SLC17A9: variants seen among roughly 807,000 people sequenced by gnomAD.
SLC17A9 encodes voltage-gated purine nucleotide uniporter SLC17A9.
A neutral mutation model predicts 55.0 loss-of-function variants in SLC17A9; 49 were observed. That is an observed-to-expected ratio of 0.89 (90% CI 0.71 to 1.13). The LOEUF is 1.13. Ranked by LOEUF, SLC17A9 falls within the 50% of genes most tolerant of loss-of-function variation. The pLI, the probability that SLC17A9 is intolerant of heterozygous loss-of-function variation, is 0.00. For missense variants in SLC17A9, 526 were observed against 569.3 expected, an observed-to-expected ratio of 0.92 and a Z score of 0.77; for synonymous variants, 256 against 247.4, an observed-to-expected ratio of 1.03 and a Z score of -0.32.
chr20:62,967,342 G>A lies in SLC17A9; in HGVS notation c.1153G>A (p.Val385Met), dbSNP rs369530488. Reference sequence around the variant, plus strand: ...CCTGGCCCTCTCTTGGGCAGGTGTCGTGGGTGTGTGTCTAGGCGGCTACTT... The same window carrying A: ...CCTGGCCCTCTCTTGGGCAGGTGTCATGGGTGTGTGTCTAGGCGGCTACTT... ...ANTAGALAGV[V>M]GVCLGGYLME... The change falls in exon 13 of 13, where the codon GTG becomes ATG. Residue 385 changes from valine to methionine, a missense_variant. Transcript: ENST00000370351. 1.2e-5 allele frequency: 20 copies of A among 1,614,024 alleles called. No individual in the cohort carries two copies. The highest frequency in any genetic ancestry group is 1.7e-4 in the Middle Eastern group (1 of 6,060).
At position 62,962,695 on chromosome 20, in the gene SLC17A9, CCGG is replaced by C. The variant is rs757468391; in HGVS notation, c.574_576del (p.Gly192del). 1 of 1,614,082 alleles carries C rather than the reference CCGG, an allele frequency of 6.2e-7. No individual in the cohort carries two copies. Among genetic ancestry groups the C allele is most frequent in the Non-Finnish European group, 8.5e-7 (1 of 1,179,966 alleles). On this transcript the variant is annotated inframe_deletion, in exon 5 of 13. Coordinates refer to ENST00000370351, the MANE Select transcript of SLC17A9 (RefSeq NM_022082.4). This position sits in a 1 kb window ranked among gnomAD's most constrained non-coding sequence, Gnocchi z 5.5. Reference sequence around the variant, plus strand: ...GGCTGGCAGAGCATCTTCTATTTCTCCGGCGGCCTCACCTTGCTTTGGGTGTGG... The same window carrying C: ...GGCTGGCAGAGCATCTTCTATTTCTCCGGCCTCACCTTGCTTTGGGTGTGG...
Position 62,969,478 on chromosome 20 carries a change from A to G in SLC17A9, c.*1978A>G, listed in dbSNP as rs1459693150. 1 of 152,070 alleles carries G rather than the reference A, an allele frequency of 6.6e-6. No individual in the cohort carries two copies. The highest frequency in any genetic ancestry group is 2.4e-5 in the African/African-American group (1 of 41,392). The allele number at this position is 152,070 out of a possible 1,614,324, so 9.4% of individuals were successfully genotyped here. ...CAGTGGGCGCACGCTGGGTTTGCCTACGTCTGGCTTACTTCACTCAGCAGA... is the reference window on the plus strand; with the variant it reads ...CAGTGGGCGCACGCTGGGTTTGCCTGCGTCTGGCTTACTTCACTCAGCAGA... On this transcript the variant is annotated 3_prime_UTR_variant, in exon 13 of 13. Coordinates refer to ENST00000370351, the MANE Select transcript of SLC17A9 (RefSeq NM_022082.4).
At chr20:62,957,402 G>C in intron 2 of SLC17A9, 39 bp from the exon 3 acceptor site, 1 of 1,545,526 alleles carries the variant, frequency 6.5e-7, no homozygotes, top group South Asian at 1.3e-5. Context: ...CCTTGGTCCT[G>C]CACAGCCACA....
At chr20:62,965,533 T>TCGGG in intron 9 of SLC17A9, 77 bp from the exon 10 acceptor site, 1 of 1,389,182 alleles carries the variant, frequency 7.2e-7, no homozygotes, top group Non-Finnish European at 1.0e-6. Context: ...AGGGGGGCTT[T>TCGGG]CGGGCAGCTG....
rs746661347 is a variant in SLC17A9 at position 62,963,672 on chromosome 20, G to A, written c.814G>A (p.Asp272Asn). Residue 272 changes from aspartate (D) to asparagine (N), a missense_variant, in exon 7 of 13, where the codon GAC becomes AAC. Coordinates refer to ENST00000370351, the MANE Select transcript of SLC17A9 (RefSeq NM_022082.4). ...CACCTTCTTCGAGGAGACCTTCCCCGACGCCAAGGTGAGTCGGGGGCTCCC... is the reference window on the plus strand; with the variant it reads ...CACCTTCTTCGAGGAGACCTTCCCCAACGCCAAGGTGAGTCGGGGGCTCCC... Reference protein sequence around the residue: ...LPTFFEETFPDAKGWIFNVVP... With the variant: ...LPTFFEETFPNAKGWIFNVVP... 1.1e-5 allele frequency: 18 copies of A among 1,594,580 alleles called. No homozygotes were observed. The East Asian group carries it at 1.1e-4, about 10-fold the overall frequency.
chr20:62,956,358 A>G (rs2065536786), intron 1 of SLC17A9, among the ~76,000 whole-genome samples: 1 of 152,116 alleles, frequency 6.6e-6, no homozygotes, highest in Non-Finnish European at 1.5e-5. Flanking sequence ...AGCTCCCCGC[A>G]GGGGCAGACA....
At chr20:62,965,026 C>T in intron 8 of SLC17A9, 106 bp from the exon 9 acceptor site, 1 of 1,335,442 alleles carries the variant, frequency 7.5e-7, no homozygotes, top group Non-Finnish European at 1.1e-6. Context: ...AGCCCCAAGC[C>T]TCTTCCTCCC....
At chr20:62,963,562 G>A (rs551843100) in intron 6 of SLC17A9, 22 bp from the exon 7 acceptor site, 64 of 1,576,684 alleles carry the variant, frequency 4.1e-5, no homozygotes, top group South Asian at 1.9e-4. Flanking sequence ...CCAGAGTCAC[G>A]GTCCACCATT....
Position 62,957,459 on chromosome 20 carries a change from C to T in SLC17A9, c.276C>T (p.Val92=), listed in dbSNP as rs771274361. 1 of 1,599,030 alleles carries T rather than the reference C, an allele frequency of 6.3e-7. No individual in the cohort carries two copies. Among genetic ancestry groups the T allele is most frequent in the Non-Finnish European group, 8.5e-7 (1 of 1,173,400 alleles). The change falls in exon 3 of 13, where the codon GTC becomes GTT. Residue 92 remains valine, a synonymous_variant. Coordinates refer to ENST00000370351, the MANE Select transcript of SLC17A9 (RefSeq NM_022082.4). The part of the protein sequence containing the change: ...HLGDRIGGEK[V]ILLSASAWGS... ...CCTCCAGGATTGGGGGTGAGAAGGT[C>T]ATCCTGCTGTCAGCCTCTGCCTGGG...
Position 62,953,206 on chromosome 20 carries a change from G to A in SLC17A9, c.59+317G>A, listed in dbSNP as rs767825202. 125 of 1,550,310 alleles carry A rather than the reference G, an allele frequency of 8.1e-5. No homozygotes were observed. The Middle Eastern group carries it at 1.0e-3, about 12-fold the overall frequency. The stretch of plus-strand genomic sequence containing the variant: ...TGGACAGTCAGGAGGCATACCCCTC[G>A]CCAGGTGGAACCACCCTGTGTATGC... On this transcript the variant is annotated intron_variant, in intron 1 of 12. Transcript: ENST00000370351.
At position 62,957,534 on chromosome 20, in the gene SLC17A9, C is replaced by T; in HGVS notation, c.351C>T (p.His117=). The change falls in exon 3 of 13, where the codon CAC becomes CAT. Residue 117 remains histidine, a synonymous_variant. Transcript: ENST00000370351. ...TPLLAHLSSA[H]LAFMTFSRIL... is the part of the protein sequence containing the mutation. ...TGCTCGCCCACCTGAGCAGTGCCCA[C>T]CTGGCCTTCATGACCTTCTCACGCA... 2 of 1,606,120 alleles carry T rather than the reference C, an allele frequency of 1.2e-6. No individual in the cohort carries two copies. Among genetic ancestry groups the T allele is most frequent in the Non-Finnish European group, 1.7e-6 (2 of 1,177,120 alleles).
rs1174966384 is a variant in SLC17A9 at position 62,964,330 on chromosome 20, G to T, written c.910+15G>T. On this transcript the variant is annotated intron_variant, in intron 8 of 12. Coordinates refer to ENST00000370351, the MANE Select transcript of SLC17A9 (RefSeq NM_022082.4). ...CATCAATCAGGGTGAGCCCCAGGGA[G>T]GGGACCGGGGCTGGAAGCCACACCC... 1 of 1,613,332 alleles carries T rather than the reference G, an allele frequency of 6.2e-7. No individual in the cohort carries two copies. The highest frequency in any genetic ancestry group is 1.3e-5 in the African/African-American group (1 of 74,920).
Position 62,960,565 on chromosome 20 carries a change from C to A in SLC17A9, c.459C>A (p.Ala153=). ...LSQKVRESER[A]FTYSIVGAGS... The stretch of plus-strand genomic sequence containing the variant: ...AGAAGGTGCGGGAGAGTGAGCGAGC[C>A]TTCACCTACAGCATCGTGGGCGCCG... The change falls in exon 4 of 13, where the codon GCC becomes GCA. Residue 153 remains alanine (A), a synonymous_variant. Transcript: ENST00000370351. The A allele has an allele frequency of 6.2e-7, 1 of 1,613,636 alleles. No individual in the cohort carries two copies.
At chr20:62,953,240 GACA>G (rs1289297599) in intron 1 of SLC17A9, 1 of 1,550,298 alleles carries the variant, frequency 6.5e-7, no homozygotes, top group East Asian at 2.4e-5. Context: ...GCATGACCCT[GACA>G]AGCAGGCGCC....
Position 62,964,218 on chromosome 20 carries a change from C to A in SLC17A9, c.823-10C>A, listed in dbSNP as rs372321252. On this transcript the variant is annotated splice_polypyrimidine_tract_variant and intron_variant, in intron 7 of 12. Transcript: ENST00000370351. ...CCTGGCCCCCTCTAAGGCCAAACTCCCCCCTGCAGGGCTGGATCTTCAACG... is the reference window on the plus strand; with the variant it reads ...CCTGGCCCCCTCTAAGGCCAAACTCACCCCTGCAGGGCTGGATCTTCAACG... 1 of 1,613,894 alleles carries A rather than the reference C, an allele frequency of 6.2e-7. No homozygotes were observed.
intron 3 of SLC17A9, among the ~76,000 whole-genome samples, chr20:62,960,208 C>T (rs147055978): frequency 4.0e-4 from 61 of 152,334 alleles, no homozygotes; most frequent in African/African-American, 1.5e-3. Flanking sequence ...CAGCTGGAGG[C>T]CGGTGGTGAG....
chr20:62,966,612 C>T (rs771178867), intron 11 of SLC17A9, 32 bp downstream of exon 11: 5 of 1,613,690 alleles, frequency 3.1e-6, no homozygotes, highest in Admixed American at 1.7e-5. Context: ...AGCTTTGCCC[C>T]TCCCTGGGCC....
chr20:62,965,537 G>A, intron 9 of SLC17A9, 73 bp from the exon 10 acceptor site: 2 of 1,422,830 alleles, frequency 1.4e-6, no homozygotes, highest in Non-Finnish European at 2.0e-6. Context: ...GGGCTTTCGG[G>A]CAGCTGAGTC....
In SLC17A9 at chr20:62,963,336, C is replaced by T. The variant is rs779088891; in HGVS notation, c.692C>T (p.Pro231Leu). The change falls in exon 6 of 13, where the codon CCC becomes CTC. Residue 231 changes from proline (P) to leucine (L), a missense_variant. By Grantham distance (98) the Pro-to-Leu change is moderately conservative. Coordinates refer to ENST00000370351, the MANE Select transcript of SLC17A9 (RefSeq NM_022082.4). The part of the protein sequence containing the change: ...SRPVSRHNRV[P>L]WRRLFRKPAV... ...CCGGTGTCCAGGCACAACAGAGTCC[C>T]CTGGAGACGGCTCTTCCGGAAGCCT... The T allele has an allele frequency of 8.1e-6, 13 of 1,613,766 alleles. No homozygotes were observed. In the South Asian group the frequency reaches 1.3e-4, roughly 16 times the overall value.
Sources: gnomAD v4.1 joint callset for allele counts (sites outside exome capture counted in the v4.1 genomes callset) on GRCh38, gnomAD v4.1.1 for gene constraint, Gnocchi (gnomAD v3.1) non-coding constraint, MANE v1.5 for transcripts, NCBI Gene and HGNC (gene_info 2026-07-23, HGNC 2026-07-21) for gene names.